The following CNIH1 variants were observed in gnomAD, a reference collection of about 807,000 sequenced individuals.
CNIH1 encodes the protein protein cornichon homolog 1.
CNIH1 carries 12 observed loss-of-function variants against 20.2 expected under a neutral mutation model. That is an observed-to-expected ratio of 0.59 (90% CI 0.38 to 0.96). The LOEUF (loss-of-function observed/expected upper bound fraction) is 0.96. CNIH1 is among the 40% of genes least tolerant of loss of function. The probability of loss-of-function intolerance (pLI) is 0.00; values close to 1 mark genes in which losing one functional copy is unlikely to be tolerated. For missense variants in CNIH1, 152 were observed against 178.8 expected (o/e 0.85, Z 0.85); for synonymous variants, 69 against 63.3 (o/e 1.09, Z -0.43).
At chr14:54,437,426 A>C (rs113919652) in intron 1 of CNIH1, among the ~76,000 whole-genome samples, 1 of 150,428 alleles carries the variant, frequency 6.6e-6, no homozygotes, top group African/African-American at 2.4e-5. Context: ...TAAAATTTAG[A>C]TTCATAAAAA....
chr14:54,437,329 T>G (rs2031073972), intron 1 of CNIH1, among the ~76,000 whole-genome samples: 1 of 152,344 alleles, frequency 6.6e-6, no homozygotes, highest in Non-Finnish European at 1.5e-5. Flanking sequence ...GAATAGTATC[T>G]TTATATGTGA....
chr14:54,437,894 A>G lies in CNIH1; in HGVS notation c.82-1457T>C, dbSNP rs540476366. 2.3e-3 allele frequency among the ~76,000 whole-genome samples: 346 copies of G among 152,320 alleles called. 1 individual carries two copies. Among genetic ancestry groups the G allele is most frequent in the Non-Finnish European group, 4.1e-3 (279 of 68,030 alleles). On this transcript the variant is annotated intron_variant, in intron 1 of 4. Transcript: ENST00000216416. The stretch of plus-strand genomic sequence containing the variant: ...GGATGATAATCATAAGTACTTGTCT[A>G]TAACAAGATCCAACTTAACAGAATA...
intron 3 of CNIH1, among the ~76,000 whole-genome samples, chr14:54,431,339 G>A (rs938493627): frequency 6.6e-5 from 10 of 151,736 alleles, no homozygotes; most frequent in African/African-American, 2.2e-4. Context: ...TCTTGGCCAG[G>A]CTGGTCTTGA....
chr14:54,441,151 AAGCCCCGGC>A, intron 1 of CNIH1, 87 bp downstream of exon 1: 1 of 1,249,718 alleles, frequency 8.0e-7, no homozygotes, highest in Non-Finnish European at 1.0e-6. Context: ...CCGACGCGCA[AAGCCCCGGC>A]GGCCGTGGCG....
chr14:54,434,450 G>C (rs1387410781), intron 2 of CNIH1, among the ~76,000 whole-genome samples: 1 of 152,164 alleles, frequency 6.6e-6, no homozygotes, highest in Non-Finnish European at 1.5e-5. Flanking sequence ...AAATTAGGCT[G>C]TCTTGAGTTC....
chr14:54,429,057 T>C (rs984536584), intron 4 of CNIH1, among the ~76,000 whole-genome samples: 1 of 152,216 alleles, frequency 6.6e-6, no homozygotes, highest in Non-Finnish European at 1.5e-5. Flanking sequence ...TCCTCTCTAG[T>C]TGAGTATGTA....
chr14:54,440,978 T>G, intron 1 of CNIH1, among the ~76,000 whole-genome samples: 1 of 151,810 alleles, frequency 6.6e-6, no homozygotes, highest in Non-Finnish European at 1.5e-5. Flanking sequence ...GGCGCCCGCC[T>G]GGACCGCGGC....
At chr14:54,437,689 A>G (rs906857055) in intron 1 of CNIH1, among the ~76,000 whole-genome samples, 1 of 151,964 alleles carries the variant, frequency 6.6e-6, no homozygotes, top group Non-Finnish European at 1.5e-5. Context: ...AAAAAAAAAA[A>G]ATGCAGAACT....
Position 54,423,890 on chromosome 14 carries a change from A to C in CNIH1, c.*3924T>G, listed in dbSNP as rs1011094050. 1 of 152,242 alleles carries C rather than the reference A, an allele frequency of 6.6e-6. No individual in the cohort carries two copies. Among genetic ancestry groups the C allele is most frequent in the African/African-American group, 2.4e-5 (1 of 41,458 alleles). The allele number at this position is 152,242 out of a possible 1,614,324, so 9.4% of individuals were successfully genotyped here. Reference sequence around the variant, plus strand: ...GTTCTCCACATCTACAATGTGCATTAACAAAATTAATGCAGATAAGACCTT... The same window carrying C: ...GTTCTCCACATCTACAATGTGCATTCACAAAATTAATGCAGATAAGACCTT... On this transcript the variant is annotated 3_prime_UTR_variant, in exon 5 of 5. Transcript: ENST00000216416.
chr14:54,427,789 T>C lies in CNIH1; in HGVS notation c.*25A>G. 6.2e-7 allele frequency: 1 copy of C among 1,613,528 alleles called. No individual in the cohort carries two copies. The highest frequency in any genetic ancestry group is 8.5e-7 in the Non-Finnish European group (1 of 1,179,756). ...TGGTGGCTTTTTGCATGCACTTAACTGGACCAATTCTTCTGTGTGTTGTTC... is the reference window on the plus strand; with the variant it reads ...TGGTGGCTTTTTGCATGCACTTAACCGGACCAATTCTTCTGTGTGTTGTTC... On this transcript the variant is annotated 3_prime_UTR_variant, in exon 5 of 5. Transcript: ENST00000216416.
intron 2 of CNIH1, among the ~76,000 whole-genome samples, chr14:54,432,471 T>A (rs1181923019): frequency 6.6e-6 from 1 of 152,190 alleles, no homozygotes; most frequent in Non-Finnish European, 1.5e-5. Flanking sequence ...AAAGCTCAAA[T>A]CCTTAGAGAA....
intron 3 of CNIH1, 56 bp downstream of exon 3, chr14:54,432,052 C>A: frequency 2.4e-6 from 2 of 846,746 alleles, no homozygotes; most frequent in Middle Eastern, 3.8e-4. Context: ...CCATATCAAC[C>A]ACAGTATATT....
intron 1 of CNIH1, among the ~76,000 whole-genome samples, chr14:54,438,436 TAACA>T (rs1566718458): frequency 6.6e-6 from 1 of 152,176 alleles, no homozygotes; most frequent in Non-Finnish European, 1.5e-5. Context: ...TACAGAAGTA[TAACA>T]AAAATAAAAC....
chr14:54,430,930 C>A (rs1182054277), intron 3 of CNIH1, among the ~76,000 whole-genome samples: 1 of 152,104 alleles, frequency 6.6e-6, no homozygotes, highest in Non-Finnish European at 1.5e-5. Context: ...TTCCTGGGCT[C>A]AAGCAATCCT....
chr14:54,439,965 G>A (rs866668312), intron 1 of CNIH1, among the ~76,000 whole-genome samples: 2 of 152,158 alleles, frequency 1.3e-5, no homozygotes, highest in African/African-American at 4.8e-5. Flanking sequence ...TCAAATTACT[G>A]CTCCTACTGA....
chr14:54,441,097 C>G (rs1035196172), intron 1 of CNIH1, 150 bp downstream of exon 1: 1 of 821,868 alleles, frequency 1.2e-6, no homozygotes, highest in African/African-American at 1.8e-5. Context: ...ACCCGCGGCC[C>G]CCAGACCCCT....
chr14:54,440,827 AAAAG>A (rs1158345751), intron 1 of CNIH1, among the ~76,000 whole-genome samples: 2 of 152,358 alleles, frequency 1.3e-5, no homozygotes, highest in Non-Finnish European at 2.9e-5. Context: ...TGGAAACCCT[AAAAG>A]AAAGTCAATC....
intron 1 of CNIH1, among the ~76,000 whole-genome samples, chr14:54,438,954 A>C (rs1201595391): frequency 1.3e-5 from 2 of 152,014 alleles, no homozygotes; most frequent in Non-Finnish European, 2.9e-5. Flanking sequence ...GCTTTCTCTC[A>C]CTATGGGATC....
rs2031171194 is a variant in CNIH1, at chr14:54,441,329, G to C, written c.-2C>G. On this transcript the variant is annotated 5_prime_UTR_variant, in exon 1 of 5. Transcript: ENST00000216416. ...GAAGGCCGCGAACGTGAACGCCATG[G>C]CTGGGGAGGAGGAGCGGGGAGCGGC... is the stretch of plus-strand genomic sequence containing the variant. 3.3e-6 allele frequency: 5 copies of C among 1,503,756 alleles called. No individual in the cohort carries two copies. Among genetic ancestry groups the C allele is most frequent in the Non-Finnish European group, 4.5e-6 (5 of 1,119,836 alleles). The allele number at this position is 1,503,756 out of a possible 1,614,324, so 93.2% of individuals were successfully genotyped here.
Sources: allele counts gnomAD v4.1 joint callset (sites outside exome capture counted in the v4.1 genomes callset), GRCh38; gene constraint gnomAD v4.1.1; transcripts MANE v1.5; gene names NCBI Gene and HGNC (gene_info 2026-07-23, HGNC 2026-07-21).